Variants in PRKCQ observed in about 807,000 individuals in gnomAD.
The protein encoded by PRKCQ is protein kinase C theta.
PRKCQ carries 41 observed loss-of-function variants against 91.2 expected under a neutral mutation model. That is an observed-to-expected ratio of 0.45 (90% CI 0.35 to 0.58). PRKCQ has a LOEUF of 0.58. Ranked by LOEUF, PRKCQ falls within the 20% of genes least tolerant of loss-of-function variation. PRKCQ has a pLI of 0.00. For missense variants in PRKCQ, 673 were observed against 896.5 expected, an observed-to-expected ratio of 0.75 and a Z score of 3.18; for synonymous variants, 307 against 316.9, an observed-to-expected ratio of 0.97 and a Z score of 0.33.
the PRKCQ span, among the ~76,000 whole-genome samples, chr10:6,420,282 T>G: frequency 3.3e-5 from 5 of 152,190 alleles, no homozygotes; most frequent in East Asian, 3.9e-4. Flanking sequence ...CACCATGCCT[T>G]CGAATCTGTG....
At chr10:6,551,809 G>A (rs987380838) in intron 1 of PRKCQ, among the ~76,000 whole-genome samples, 8 of 152,202 alleles carry the variant, frequency 5.3e-5, no homozygotes, top group Non-Finnish European at 1.5e-5. Context: ...ATGATAGAAC[G>A]ATTTCTATTC....
intron 4 of PRKCQ, among the ~76,000 whole-genome samples, chr10:6,502,676 T>C (rs1489106422): frequency 1.3e-5 from 2 of 152,134 alleles, no homozygotes; most frequent in Non-Finnish European, 2.9e-5. Flanking sequence ...GAGGTAGTAA[T>C]GATGTAATTA....
intron 15 of PRKCQ, among the ~76,000 whole-genome samples, chr10:6,446,928 T>C (rs1165779474): frequency 6.6e-6 from 1 of 152,178 alleles, no homozygotes; most frequent in African/African-American, 2.4e-5. Flanking sequence ...AGCTGGGAAG[T>C]CAGGTCTGGA....
intron 1 of PRKCQ, among the ~76,000 whole-genome samples, chr10:6,520,200 A>G (rs58956816): frequency 0.048 from 7,293 of 152,264 alleles, 473 homozygotes; most frequent in African/African-American, 0.14. Context: ...ACCAGGTCCC[A>G]TACAGAACTC....
chr10:6,561,880 A>G (rs1043465464), intron 1 of PRKCQ, among the ~76,000 whole-genome samples: 4 of 152,222 alleles, frequency 2.6e-5, no homozygotes, highest in Non-Finnish European at 4.4e-5. Context: ...ACACAGCATG[A>G]AAGAGTTGAG....
intron 8 of PRKCQ, among the ~76,000 whole-genome samples, chr10:6,491,349 G>A (rs947869356): frequency 1.3e-5 from 2 of 152,226 alleles, no homozygotes; most frequent in Non-Finnish European, 2.9e-5. Flanking sequence ...AGAGCCCACT[G>A]AGGAAACTAG....
At chr10:6,525,094 G>A (rs896805924) in intron 1 of PRKCQ, among the ~76,000 whole-genome samples, 7 of 151,284 alleles carry the variant, frequency 4.6e-5, no homozygotes, top group Non-Finnish European at 1.0e-4. Flanking sequence ...AACAACTAAT[G>A]ACTTTAAAAT....
the PRKCQ span, among the ~76,000 whole-genome samples, chr10:6,407,987 A>G: frequency 6.7e-6 from 1 of 150,288 alleles, no homozygotes; most frequent in Non-Finnish European, 1.5e-5. This position sits in a 1 kb window ranked among gnomAD's most constrained non-coding sequence, Gnocchi z 4.0. Context: ...AATTAACATT[A>G]ATGTTTAGTA....
At chr10:6,409,462 CTT>C in the PRKCQ span, among the ~76,000 whole-genome samples, 2 of 151,924 alleles carry the variant, frequency 1.3e-5, no homozygotes, top group African/African-American at 4.8e-5. Flanking sequence ...GCCTGGCTAA[CTT>C]TTGTATTTTT....
At chr10:6,479,360 A>G (rs1836450741) in intron 11 of PRKCQ, among the ~76,000 whole-genome samples, 195 bp from the exon 12 acceptor site, 1 of 152,198 alleles carries the variant, frequency 6.6e-6, no homozygotes, top group African/African-American at 2.4e-5. Context: ...TCACTATTTC[A>G]TACTATCTTT....
chr10:6,441,212 T>G (rs994961881), intron 16 of PRKCQ, among the ~76,000 whole-genome samples: 2 of 150,956 alleles, frequency 1.3e-5, no homozygotes, highest in African/African-American at 4.9e-5. Flanking sequence ...CTGAGTAAAA[T>G]AAAAAAAAAC....
intron 1 of PRKCQ, among the ~76,000 whole-genome samples, chr10:6,527,918 G>C (rs1839256191): frequency 1.3e-5 from 2 of 152,144 alleles, no homozygotes; most frequent in South Asian, 4.1e-4. Flanking sequence ...TGACAATGTT[G>C]ATTTCAAGCT....
intron 1 of PRKCQ, among the ~76,000 whole-genome samples, chr10:6,562,095 G>A (rs572074634): frequency 1.1e-4 from 16 of 152,290 alleles, no homozygotes; most frequent in Admixed American, 2.6e-4. Flanking sequence ...CTGGCATCTG[G>A]AGATACCGGA....
chr10:6,450,425 TA>T (rs1400410645), intron 15 of PRKCQ, among the ~76,000 whole-genome samples: 1 of 152,122 alleles, frequency 6.6e-6, no homozygotes, highest in Non-Finnish European at 1.5e-5. Context: ...CCCAGATTCA[TA>T]AAGCAAGTCC....
rs150977616 is a variant in PRKCQ at position 6,476,676 on chromosome 10, C to A, written c.1353+2316G>T. On this transcript the variant is annotated intron_variant, in intron 12 of 17. Coordinates refer to ENST00000263125, the MANE Select transcript of PRKCQ (RefSeq NM_006257.5). ...CTGTCATTGGGTATTTGTGTTGTTT[C>A]CAATTTTTCGCTACTATGAAAGCTT... Among the ~76,000 whole-genome samples, 544 of 152,198 alleles carry A rather than the reference C, an allele frequency of 3.6e-3. 5 individuals are homozygous for A. The highest frequency in any genetic ancestry group is 0.013 in the African/African-American group (519 of 41,512).
At chr10:6,554,125 A>G (rs1391019186) in intron 1 of PRKCQ, among the ~76,000 whole-genome samples, 3 of 152,148 alleles carry the variant, frequency 2.0e-5, no homozygotes, top group African/African-American at 4.8e-5. Context: ...TAATGTTCTC[A>G]TCTGTAAAGT....
chr10:6,579,218 G>C (rs1564404554), intron 1 of PRKCQ, among the ~76,000 whole-genome samples: 1 of 152,174 alleles, frequency 6.6e-6, no homozygotes, highest in Non-Finnish European at 1.5e-5. Flanking sequence ...GGAACGTCAA[G>C]GACTTGGACA....
intron 4 of PRKCQ, among the ~76,000 whole-genome samples, chr10:6,500,041 C>G (rs1028006422): frequency 6.6e-6 from 1 of 152,202 alleles, no homozygotes; most frequent in Non-Finnish European, 1.5e-5. Context: ...GGACATAATA[C>G]TTTGCCTAAT....
At chr10:6,455,578 T>A (rs1834960237) in intron 15 of PRKCQ, among the ~76,000 whole-genome samples, 1 of 152,156 alleles carries the variant, frequency 6.6e-6, no homozygotes, top group South Asian at 2.1e-4. Context: ...CAATCACACG[T>A]TTATTAGTTA....
Sources: gnomAD v4.1 joint callset for allele counts (sites outside exome capture counted in the v4.1 genomes callset) on GRCh38, gnomAD v4.1.1 for gene constraint, Gnocchi (gnomAD v3.1) non-coding constraint, MANE v1.5 for transcripts, NCBI Gene and HGNC (gene_info 2026-07-23, HGNC 2026-07-21) for gene names.